RSRC2: variants seen among roughly 807,000 people sequenced by gnomAD.
RSRC2 encodes arginine/serine-rich coiled-coil protein 2.
RSRC2 carries 5 observed loss-of-function variants against 61.3 expected under a neutral mutation model. That is an observed-to-expected ratio of 0.08 (90% CI 0.04 to 0.17). The LOEUF is 0.17. RSRC2 is among the 10% of genes least tolerant of loss of function. The pLI is 1.00. For synonymous variants in RSRC2, 202 were observed against 166.5 expected (o/e 1.21, Z -1.64); for missense variants, 381 against 518.8 (o/e 0.73, Z 2.58).
intron 5 of RSRC2, 112 bp from the exon 6 acceptor site, chr12:122,515,339 T>A: frequency 9.1e-7 from 1 of 1,094,918 alleles, no homozygotes; most frequent in South Asian, 1.5e-5. Context: ...ACATTTAGTT[T>A]GAGATGCAAA....
intron 6 of RSRC2, among the ~76,000 whole-genome samples, chr12:122,514,268 G>GTT (rs1375191873): frequency 5.5e-4 from 75 of 136,066 alleles, no homozygotes; most frequent in East Asian, 2.3e-3. Flanking sequence ...GTGTGTGTGT[G>GTT]TGTTTTTTTT....
At chr12:122,511,022 C>A in intron 7 of RSRC2, 87 bp downstream of exon 7, 1 of 957,378 alleles carries the variant, frequency 1.0e-6, no homozygotes, top group South Asian at 1.6e-5. Flanking sequence ...GCACTCCAGT[C>A]AGAATGACAG....
At chr12:122,526,290 C>T (rs1207208702) in intron 1 of RSRC2, 2 of 152,714 alleles carry the variant, frequency 1.3e-5, no homozygotes, top group African/African-American at 4.8e-5. Flanking sequence ...TCAGCAATAC[C>T]TTCCTAGCTC....
At chr12:122,517,900 CA>C (rs1242778912) in intron 4 of RSRC2, among the ~76,000 whole-genome samples, 5 of 152,162 alleles carry the variant, frequency 3.3e-5, no homozygotes, top group Non-Finnish European at 7.3e-5. Flanking sequence ...TGCAGTTTAG[CA>C]GCAAACACCA....
At position 122,508,445 on chromosome 12, in the gene RSRC2, C is replaced by T. The variant is rs1431815956; in HGVS notation, c.808G>A (p.Ala270Thr). The T allele has an allele frequency of 1.9e-6, 3 of 1,612,518 alleles. No homozygotes were observed. Among genetic ancestry groups the T allele is most frequent in the Non-Finnish European group, 2.5e-6 (3 of 1,178,726 alleles). ...TTGAGAACAGAACCTCCAGTAGCTG[C>T]AGCTGCTTGAAGAGAATACAAAAAT... ...KQKQQEIAAA[A>T]ATGGSVLNVA... Residue 270 changes from alanine (A) to threonine (T), a missense_variant and splice_region_variant, in exon 8 of 10, where the codon GCA becomes ACA. This residue lies in a region of RSRC2 where 26 missense variants were observed against 27.5 expected (regional missense o/e 0.95). Coordinates refer to ENST00000331738, the MANE Select transcript of RSRC2 (RefSeq NM_023012.6).
intron 7 of RSRC2, among the ~76,000 whole-genome samples, chr12:122,509,996 A>AT (rs1958378486): frequency 6.6e-6 from 1 of 151,972 alleles, no homozygotes; most frequent in South Asian, 2.1e-4. Flanking sequence ...TAATTTTTGT[A>AT]TTTTTAGCAG....
intron 3 of RSRC2, chr12:122,519,703 G>A (rs1959169898): frequency 6.6e-6 from 1 of 152,418 alleles, no homozygotes. Flanking sequence ...CAATTTTAAA[G>A]AAACCAAACT....
At chr12:122,525,748 A>C (rs535532732) in intron 1 of RSRC2, among the ~76,000 whole-genome samples, 1 of 147,248 alleles carries the variant, frequency 6.8e-6, no homozygotes, top group South Asian at 2.2e-4. Flanking sequence ...ACGCAGGCTT[A>C]TTGTTCAGAA....
intron 6 of RSRC2, chr12:122,514,795 A>G: frequency 1.1e-6 from 1 of 932,754 alleles, no homozygotes; most frequent in Non-Finnish European, 1.4e-6. Context: ...ATAGTTCTTG[A>G]ACCAGATTTA....
chr12:122,509,322 C>T (rs528541870), intron 7 of RSRC2, among the ~76,000 whole-genome samples: 6 of 151,314 alleles, frequency 4.0e-5, no homozygotes, highest in East Asian at 1.9e-4. Context: ...TGGTGGCAGG[C>T]GCCTATAAGC....
chr12:122,510,969 A>G, intron 7 of RSRC2, 140 bp downstream of exon 7: 7 of 614,828 alleles, frequency 1.1e-5, no homozygotes, highest in Non-Finnish European at 1.4e-5. Flanking sequence ...GGATCACTTG[A>G]GCCTGGGAGT....
chr12:122,509,675 A>C (rs1259994539), intron 7 of RSRC2, among the ~76,000 whole-genome samples: 1 of 152,190 alleles, frequency 6.6e-6, no homozygotes, highest in African/African-American at 2.4e-5. Flanking sequence ...CAAAGAGAGT[A>C]ATGATGTAGT....
intron 5 of RSRC2, among the ~76,000 whole-genome samples, chr12:122,516,564 G>C (rs1466155123): frequency 1.3e-5 from 2 of 152,132 alleles, no homozygotes; most frequent in African/African-American, 4.8e-5. Context: ...TTTCAACATG[G>C]TTCTTCTGAG....
intron 5 of RSRC2, 79 bp from the exon 6 acceptor site, chr12:122,515,306 A>AT: frequency 4.3e-6 from 6 of 1,404,480 alleles, no homozygotes; most frequent in Non-Finnish European, 9.8e-7. Flanking sequence ...ATTAGTTCAA[A>AT]CAAAAATCCC....
intron 2 of RSRC2, among the ~76,000 whole-genome samples, chr12:122,521,818 T>C (rs1457750095): frequency 3.3e-5 from 5 of 152,206 alleles, no homozygotes; most frequent in Non-Finnish European, 2.9e-5. Context: ...TGTTCCAACA[T>C]GGTGAAACCC....
intron 6 of RSRC2, chr12:122,513,909 G>A (rs1958711537): frequency 3.3e-6 from 2 of 608,394 alleles, no homozygotes; most frequent in Non-Finnish European, 4.1e-6. Context: ...AGGCATGCCT[G>A]TGGTCCCAAC....
rs566359064 is a variant in RSRC2, at chr12:122,512,591, G to A, written c.726-1403C>T. ...ACTAAAAATACAAAAAATTAGCAGG[G>A]CGTGGTGGTGGGCGCCTGTAATCTC... On this transcript the variant is annotated intron_variant, in intron 6 of 9. Coordinates refer to ENST00000331738, the MANE Select transcript of RSRC2 (RefSeq NM_023012.6). 1.5e-3 allele frequency among the ~76,000 whole-genome samples: 230 copies of A among 152,070 alleles called. No individual in the cohort carries two copies. The Middle Eastern group carries it at 0.02, about 13-fold the overall frequency.
At chr12:122,506,593 GA>G (rs1958130136) in intron 9 of RSRC2, 1 of 407,174 alleles carries the variant, frequency 2.5e-6, no homozygotes, top group Admixed American at 4.1e-5. Flanking sequence ...CCAAGTGACA[GA>G]GCAAGCAGAG....
At chr12:122,511,452 A>C (rs961788936) in intron 6 of RSRC2, among the ~76,000 whole-genome samples, 1 of 152,214 alleles carries the variant, frequency 6.6e-6, no homozygotes, top group Non-Finnish European at 1.5e-5. Flanking sequence ...TGCAGTTCCA[A>C]TTAACAAGTG....
Sources: allele counts gnomAD v4.1 joint callset (sites outside exome capture counted in the v4.1 genomes callset), GRCh38; gene constraint gnomAD v4.1.1; regional missense constraint gnomAD v4.1.1; transcripts MANE v1.5; gene names NCBI Gene and HGNC (gene_info 2026-07-23, HGNC 2026-07-21).